CATSPERT: variants seen among roughly 807,000 people sequenced by gnomAD.
The protein encoded by CATSPERT is cation channel sperm-associated targeting subunit tau.
the CATSPERT span, among the ~76,000 whole-genome samples, chr2:201,574,856 A>T: frequency 6.6e-6 from 1 of 152,164 alleles, no homozygotes. Context: ...AATTTTAAGC[A>T]CTTAAAAAGA....
At chr2:201,536,146 G>A in the CATSPERT span, 1 of 1,613,474 alleles carries the variant, frequency 6.2e-7, no homozygotes, top group African/African-American at 1.3e-5. Flanking sequence ...TCACCTAAAG[G>A]TGGTATTCTG....
chr2:201,491,039 A>T, the CATSPERT span: 1 of 793,268 alleles, frequency 1.3e-6, no homozygotes, highest in Non-Finnish European at 1.9e-6. Flanking sequence ...AGGAATTTTT[A>T]AATTGGAGGT....
chr2:201,525,493 T>A, the CATSPERT span, among the ~76,000 whole-genome samples: 1 of 151,962 alleles, frequency 6.6e-6, no homozygotes, highest in South Asian at 2.1e-4. Context: ...AATGCCCACA[T>A]CAAAAGTTAG....
the CATSPERT span, among the ~76,000 whole-genome samples, chr2:201,608,636 G>A: frequency 6.6e-6 from 1 of 151,934 alleles, no homozygotes; most frequent in African/African-American, 2.4e-5. Flanking sequence ...GGGCTACGTG[G>A]CAAAACCACG....
the CATSPERT span, among the ~76,000 whole-genome samples, chr2:201,564,401 G>A: frequency 5.9e-5 from 9 of 151,318 alleles, no homozygotes; most frequent in African/African-American, 2.2e-4. Context: ...AACTAAGCAT[G>A]TGAGAATGTA....
At chr2:201,493,778 C>A in the CATSPERT span, 1 of 1,536,810 alleles carries the variant, frequency 6.5e-7, no homozygotes, top group Non-Finnish European at 8.7e-7. Flanking sequence ...CCACTTGAAC[C>A]TGATTTGGAG....
the CATSPERT span, among the ~76,000 whole-genome samples, chr2:201,501,395 C>CAAAAAAAAA: frequency 1.7e-4 from 8 of 46,582 alleles, no homozygotes; most frequent in East Asian, 7.9e-4. Context: ...AACTCCATCT[C>CAAAAAAAAA]AAAAAAAAAA....
the CATSPERT span, among the ~76,000 whole-genome samples, chr2:201,566,949 T>A: frequency 1.3e-5 from 2 of 152,332 alleles, no homozygotes; most frequent in African/African-American, 4.8e-5. Context: ...ATTTCATATA[T>A]AAGAAAGCTA....
At chr2:201,501,739 A>C in the CATSPERT span, among the ~76,000 whole-genome samples, 2 of 152,236 alleles carry the variant, frequency 1.3e-5, no homozygotes, top group Non-Finnish European at 2.9e-5. Flanking sequence ...CAGAAACCAA[A>C]AGGATTATAA....
the CATSPERT span, among the ~76,000 whole-genome samples, chr2:201,604,221 G>A: frequency 6.6e-6 from 1 of 151,676 alleles, no homozygotes; most frequent in Admixed American, 6.6e-5. Context: ...TTTGGATCGG[G>A]GAGGGGCGCA....
At chr2:201,515,041 T>C in the CATSPERT span, among the ~76,000 whole-genome samples, 1 of 152,048 alleles carries the variant, frequency 6.6e-6, no homozygotes, top group Non-Finnish European at 1.5e-5. Flanking sequence ...CCTGTTGGTT[T>C]AGGCCCCTTT....
the CATSPERT span, chr2:201,550,335 T>G: frequency 6.6e-6 from 1 of 152,182 alleles, no homozygotes; most frequent in Non-Finnish European, 1.5e-5. Context: ...AGTTAAAGAA[T>G]GAAAGCATTG....
the CATSPERT span, among the ~76,000 whole-genome samples, chr2:201,504,610 C>A: frequency 6.6e-6 from 1 of 152,222 alleles, no homozygotes; most frequent in East Asian, 1.9e-4. Flanking sequence ...CTCTGTCTGA[C>A]TTTTCATTCC....
At chr2:201,533,828 C>A in the CATSPERT span, among the ~76,000 whole-genome samples, 3 of 152,044 alleles carry the variant, frequency 2.0e-5, no homozygotes, top group African/African-American at 7.2e-5. Flanking sequence ...CTGTAATTAA[C>A]AGAAGTTAGT....
the CATSPERT span, chr2:201,557,930 A>T: frequency 6.6e-6 from 1 of 152,232 alleles, no homozygotes; most frequent in African/African-American, 2.4e-5. Context: ...TATTAAAAAA[A>T]TAGGAGGCCT....
the CATSPERT span, among the ~76,000 whole-genome samples, chr2:201,562,624 A>G: frequency 6.8e-6 from 1 of 147,930 alleles, no homozygotes; most frequent in Non-Finnish European, 1.5e-5. Flanking sequence ...AAACAAGTGA[A>G]CAAAGGTCTC....
chr2:201,494,751 T>C, the CATSPERT span: 11 of 1,494,564 alleles, frequency 7.4e-6, no homozygotes, highest in Non-Finnish European at 9.8e-6. Flanking sequence ...TCTTGTTGAA[T>C]TTCTGAAACT....
chr2:201,510,556 A>C, the CATSPERT span, among the ~76,000 whole-genome samples: 1 of 152,208 alleles, frequency 6.6e-6, no homozygotes. Context: ...TGCTAACCAC[A>C]CTAGGGATTG....
chr2:201,575,683 T>C, the CATSPERT span, among the ~76,000 whole-genome samples: 34 of 152,228 alleles, frequency 2.2e-4, no homozygotes, highest in African/African-American at 8.2e-4. Flanking sequence ...CCTCCCATCG[T>C]CCCCAGATGG....
Sources: gnomAD v4.1 joint callset for allele counts (sites outside exome capture counted in the v4.1 genomes callset) on GRCh38, gnomAD v4.1.1 for gene constraint, MANE v1.5 for transcripts, NCBI Gene and HGNC (gene_info 2026-07-23, HGNC 2026-07-21) for gene names.